Variants in SOS1 observed in about 807,000 individuals in gnomAD.
The protein encoded by SOS1 is son of sevenless homolog 1.
In SOS1, 25 loss-of-function variants were observed where a neutral mutation model predicts 157.6. That is an observed-to-expected ratio of 0.16 (90% CI 0.12 to 0.22). The LOEUF (loss-of-function observed/expected upper bound fraction) is 0.22, where lower values mean the gene tolerates loss of function less well. Among genes scored for constraint, SOS1 ranks in the 10% least tolerant of loss-of-function variants. SOS1 has a pLI of 1.00. For synonymous variants in SOS1, 528 were observed against 534.0 expected (o/e 0.99, Z 0.16); for missense variants, 1,237 against 1,599.1 (o/e 0.77, Z 3.86).
chr2:39,122,010 T>C (rs924557912), upstream of SOS1, among the ~76,000 whole-genome samples: 2 of 152,224 alleles, frequency 1.3e-5, no homozygotes, highest in Non-Finnish European at 2.9e-5. Flanking sequence ...AAAGCTGACA[T>C]TGTGTCCTGC....
At chr2:39,114,181 A>T (rs1024984440) in intron 1 of SOS1, among the ~76,000 whole-genome samples, 2 of 151,978 alleles carry the variant, frequency 1.3e-5, no homozygotes, top group Non-Finnish European at 1.5e-5. Flanking sequence ...CCTCAGCCTC[A>T]ACATCCCAGG....
chr2:38,993,106 A>G (rs1337192393), intron 20 of SOS1: 2 of 150,788 alleles, frequency 1.3e-5, no homozygotes, highest in African/African-American at 4.9e-5. Flanking sequence ...AAAAAAAAAG[A>G]CTCCATGACC....
intron 1 of SOS1, among the ~76,000 whole-genome samples, chr2:39,073,981 T>C (rs921198331): frequency 2.0e-5 from 3 of 152,220 alleles, no homozygotes; most frequent in African/African-American, 7.2e-5. Flanking sequence ...CTTTAGTCAA[T>C]GTTTGATGCT....
intron 17 of SOS1, among the ~76,000 whole-genome samples, chr2:39,000,851 A>G (rs562404677): frequency 6.6e-6 from 1 of 152,358 alleles, no homozygotes; most frequent in South Asian, 2.1e-4. Flanking sequence ...TATTGTTTCA[A>G]AATAGAAGAG....
chr2:39,047,037 G>A (rs1670812396), intron 6 of SOS1, among the ~76,000 whole-genome samples: 1 of 151,904 alleles, frequency 6.6e-6, no homozygotes, highest in South Asian at 2.1e-4. Flanking sequence ...TTTAACATAT[G>A]TATACAATGC....
chr2:39,062,349 C>T (rs749227485), intron 2 of SOS1, among the ~76,000 whole-genome samples: 2 of 147,680 alleles, frequency 1.4e-5, no homozygotes, highest in African/African-American at 5.0e-5. Context: ...ACCTGGGAGG[C>T]GAAAGTTGCA....
chr2:39,077,132 C>A (rs1672032367), intron 1 of SOS1, among the ~76,000 whole-genome samples: 1 of 152,074 alleles, frequency 6.6e-6, no homozygotes, highest in South Asian at 2.1e-4. Flanking sequence ...CACTTGAGGT[C>A]AGGCGTTCGA....
chr2:39,024,194 A>G lies in SOS1; in HGVS notation c.1075-57T>C. 11 of 1,386,950 alleles carry G rather than the reference A, an allele frequency of 7.9e-6. 1 individual carries two copies. In the South Asian group the frequency reaches 1.3e-4, roughly 17 times the overall value. The allele number at this position is 1,386,950 out of a possible 1,614,324, so 85.9% of individuals were successfully genotyped here. A position where few individuals can be genotyped will look rare whatever the true frequency, so the allele number is the denominator to read the frequency against. On this transcript the variant is annotated intron_variant, in intron 8 of 22. Transcript: ENST00000402219. The stretch of plus-strand genomic sequence containing the variant: ...TAGTACATTTTTGGATAAAATAATA[A>G]TAAACTCATTTAAGGATAAAAATAA...
upstream of SOS1, among the ~76,000 whole-genome samples, chr2:39,123,231 T>C (rs61405040): frequency 0.068 from 10,304 of 152,266 alleles, 489 homozygotes; most frequent in East Asian, 0.21. Context: ...CACCTGTGTA[T>C]TTCTACCTTA....
At chr2:39,071,700 T>G (rs1463952521) in intron 1 of SOS1, among the ~76,000 whole-genome samples, 11 of 152,216 alleles carry the variant, frequency 7.2e-5, no homozygotes, top group Non-Finnish European at 1.5e-4. Context: ...TGATTAAGTT[T>G]TTTTTGTAAA....
intron 10 of SOS1, among the ~76,000 whole-genome samples, chr2:39,018,835 G>A (rs964686795): frequency 6.6e-6 from 1 of 151,648 alleles, no homozygotes; most frequent in Admixed American, 6.6e-5. Context: ...GAAACAATAA[G>A]CTCCTCAACA....
At chr2:39,027,772 C>T (rs1199144154) in intron 8 of SOS1, among the ~76,000 whole-genome samples, 2 of 151,824 alleles carry the variant, frequency 1.3e-5, no homozygotes, top group Admixed American at 1.3e-4. Flanking sequence ...GTACTAAATC[C>T]TGAGATTATA....
chr2:39,047,731 T>C (rs935330446), intron 6 of SOS1, among the ~76,000 whole-genome samples: 8 of 152,208 alleles, frequency 5.3e-5, no homozygotes, highest in Admixed American at 4.6e-4. Flanking sequence ...AGTACAGTGG[T>C]GTGCTCTTGG....
chr2:39,026,581 A>G (rs1036690771), intron 8 of SOS1, among the ~76,000 whole-genome samples: 6 of 152,180 alleles, frequency 3.9e-5, no homozygotes, highest in Admixed American at 2.0e-4. Context: ...TACTTAACAG[A>G]TATTACTAGT....
At chr2:39,015,869 A>T (rs1011017369) in intron 10 of SOS1, among the ~76,000 whole-genome samples, 5 of 123,630 alleles carry the variant, frequency 4.0e-5, no homozygotes, top group Non-Finnish European at 6.6e-5. Flanking sequence ...TATTGGGAGC[A>T]TTCTTTTCCT....
chr2:39,051,338 TAAAC>T lies in SOS1; in HGVS notation c.721-55_721-52del, dbSNP rs145014833. On this transcript the variant is annotated intron_variant, in intron 5 of 22. Transcript: ENST00000402219. The stretch of plus-strand genomic sequence containing the variant: ...CAGTGAGGCTGTATTATTATAATAT[TAAAC>T]AAATTTTGAGCCAATAAGTCATTTT... 9,208 of 1,538,128 alleles carry T rather than the reference TAAAC, an allele frequency of 6.0e-3. 460 individuals carry two copies. In the African/African-American group the frequency reaches 0.11, roughly 18 times the overall value.
chr2:39,051,920 A>C (rs1671032463), intron 5 of SOS1, among the ~76,000 whole-genome samples: 1 of 152,198 alleles, frequency 6.6e-6, no homozygotes, highest in African/African-American at 2.4e-5. Context: ...TTCACTCATT[A>C]AAAGTGTAGT....
At chr2:39,035,781 AGTG>A (rs1022324755) in intron 6 of SOS1, among the ~76,000 whole-genome samples, 3 of 152,206 alleles carry the variant, frequency 2.0e-5, no homozygotes, top group African/African-American at 7.2e-5. Flanking sequence ...TGGCCATAAG[AGTG>A]GGCAGACTTT....
rs1448577878 is a variant in SOS1, at chr2:39,023,001, C to G, written c.1427G>C (p.Gly476Ala). The change falls in exon 10 of 23, where the codon GGG becomes GCG. Residue 476 changes from glycine (G) to alanine (A), a missense_variant. Transcript: ENST00000402219. ...GCTAGCACCAGGAAGTCTTGGCTGC[C>G]CATGATTTGATTTACAGCAAATCAT... ...GLMICCKSNH[G>A]QPRLPGASNA... 2 of 1,613,734 alleles carry G rather than the reference C, an allele frequency of 1.2e-6. No individual in the cohort carries two copies. Among genetic ancestry groups the G allele is most frequent in the Non-Finnish European group, 1.7e-6 (2 of 1,179,786 alleles).
Sources: allele counts gnomAD v4.1 joint callset (sites outside exome capture counted in the v4.1 genomes callset), GRCh38; gene constraint gnomAD v4.1.1; transcripts MANE v1.5; gene names NCBI Gene and HGNC (gene_info 2026-07-23, HGNC 2026-07-21).